Variants in MET observed in about 807,000 individuals in gnomAD.
MET encodes hepatocyte growth factor receptor.
A neutral mutation model predicts 133.1 loss-of-function variants in MET; 48 were observed. That is an observed-to-expected ratio of 0.36 (90% CI 0.29 to 0.46). The LOEUF (loss-of-function observed/expected upper bound fraction) is 0.46. Among genes scored for constraint, MET ranks in the 20% least tolerant of loss-of-function variants. The pLI is 1.00. For synonymous variants in MET, 628 were observed against 616.5 expected (o/e 1.02, Z -0.28); for missense variants, 1,442 against 1,695.9 (o/e 0.85, Z 2.63).
At chr7:116,739,032 T>G (rs1046922089) in intron 3 of MET, among the ~76,000 whole-genome samples, 5 of 152,340 alleles carry the variant, frequency 3.3e-5, no homozygotes, top group African/African-American at 9.6e-5. Context: ...TCTAGGGCTG[T>G]GCTGAGCCTC....
chr7:116,681,353 C>T (rs887177657), intron 1 of MET, among the ~76,000 whole-genome samples: 1 of 145,060 alleles, frequency 6.9e-6, no homozygotes, highest in Non-Finnish European at 1.6e-5. Context: ...ATTTTCATGA[C>T]TGAAATATTC....
intron 8 of MET, 24 bp downstream of exon 8, chr7:116,757,798 G>A (rs1478076619): frequency 6.2e-7 from 1 of 1,609,860 alleles, no homozygotes; most frequent in Non-Finnish European, 8.5e-7. Flanking sequence ...ATTTTTTGTT[G>A]CATCTGTCAA....
chr7:116,721,391 G>A (rs990053641), intron 2 of MET, among the ~76,000 whole-genome samples: 4 of 151,860 alleles, frequency 2.6e-5, no homozygotes, highest in Non-Finnish European at 4.4e-5. Flanking sequence ...TTCTTTATTA[G>A]TCTTGCTAGC....
chr7:116,729,964 C>A (rs1180572828), intron 2 of MET, among the ~76,000 whole-genome samples: 1 of 152,174 alleles, frequency 6.6e-6, no homozygotes, highest in East Asian at 1.9e-4. Flanking sequence ...GGTCCCTGAT[C>A]GCAGCGAGCT....
chr7:116,715,948 A>G (rs552321692), intron 2 of MET, among the ~76,000 whole-genome samples: 1 of 152,170 alleles, frequency 6.6e-6, no homozygotes, highest in Non-Finnish European at 1.5e-5. Context: ...CTTTAATTCA[A>G]TAGAAGAGAG....
chr7:116,741,067 G>GTTTTTTTTTTTTTT, intron 5 of MET, 42 bp downstream of exon 5: 2 of 1,348,780 alleles, frequency 1.5e-6, no homozygotes, highest in Non-Finnish European at 2.0e-6. Flanking sequence ...TTTGTTTGGT[G>GTTTTTTTTTTTTTT]TTTTTTTTTT....
chr7:116,733,507 G>A (rs919298676), intron 3 of MET, among the ~76,000 whole-genome samples: 34 of 151,958 alleles, frequency 2.2e-4, no homozygotes, highest in Non-Finnish European at 4.9e-4. Flanking sequence ...TAAATATGTT[G>A]CTTTATTAAC....
intron 5 of MET, among the ~76,000 whole-genome samples, chr7:116,754,965 AG>A (rs1421300666): frequency 4.2e-5 from 6 of 144,148 alleles, no homozygotes; most frequent in South Asian, 2.2e-4. Flanking sequence ...AAGAAAGAGA[AG>A]GAAGGAAGCA....
chr7:116,792,159 T>C (rs2117094962), intron 19 of MET, among the ~76,000 whole-genome samples: 1 of 152,254 alleles, frequency 6.6e-6, no homozygotes, highest in East Asian at 1.9e-4. Context: ...CAGATTTGCC[T>C]ATCATCCTTC....
rs2116991939 is a variant in MET, at chr7:116,771,543, C to A, written c.2776C>A (p.Gln926Lys). 1 of 1,613,866 alleles carries A rather than the reference C, an allele frequency of 6.2e-7. No homozygotes were observed. Among genetic ancestry groups the A allele is most frequent in the South Asian group, 1.1e-5 (1 of 91,058 alleles). Reference sequence around the variant, plus strand: ...AACCGTCCTTGGAAAAGTAATAGTTCAACCAGATCAGAATTTCACAGGATT... The same window carrying A: ...AACCGTCCTTGGAAAAGTAATAGTTAAACCAGATCAGAATTTCACAGGATT... ...SSTVLGKVIV[Q>K]PDQNFTGLIA... The change falls in exon 13 of 21, where the codon CAA becomes AAA. Residue 926 changes from glutamine (Q) to lysine (K), a missense_variant. By Grantham distance (53) the Gln-to-Lys change is moderately conservative. Transcript: ENST00000397752.
chr7:116,690,568 T>C (rs1160371361), intron 1 of MET, among the ~76,000 whole-genome samples: 1 of 152,228 alleles, frequency 6.6e-6, no homozygotes, highest in African/African-American at 2.4e-5. Flanking sequence ...AGAAGGGATT[T>C]TTGACATGGC....
chr7:116,729,907 T>C (rs1792934479), intron 2 of MET, among the ~76,000 whole-genome samples: 1 of 152,246 alleles, frequency 6.6e-6, no homozygotes, highest in Admixed American at 6.5e-5. Flanking sequence ...ACATCTACTA[T>C]GCATGATAGT....
chr7:116,779,151 A>T (rs1005767028), intron 17 of MET, among the ~76,000 whole-genome samples, 194 bp downstream of exon 17: 2 of 152,216 alleles, frequency 1.3e-5, no homozygotes, highest in African/African-American at 4.8e-5. Flanking sequence ...TTCCTGGAGC[A>T]ATGATTCTTA....
chr7:116,764,167 G>A (rs919974203), intron 11 of MET, among the ~76,000 whole-genome samples: 6 of 151,906 alleles, frequency 3.9e-5, no homozygotes, highest in African/African-American at 1.5e-4. Context: ...AAATTTTTCT[G>A]ACTTTTTCAA....
intron 11 of MET, among the ~76,000 whole-genome samples, chr7:116,767,783 A>G (rs1307976629): frequency 2.0e-5 from 3 of 150,548 alleles, no homozygotes; most frequent in Non-Finnish European, 4.4e-5. Context: ...TAATAGTAAA[A>G]TTTCTAAATA....
Position 116,731,663 on chromosome 7 carries a change from T to G in MET, c.1201-5T>G, listed in dbSNP as rs1411454216. The G allele has an allele frequency of 1.2e-6, 2 of 1,614,072 alleles. No homozygotes were observed. Among genetic ancestry groups the G allele is most frequent in the South Asian group, 2.2e-5 (2 of 91,082 alleles). Reference sequence around the variant, plus strand: ...CATTAACTCTATGACCATATTTTATTCCAGACACTTCTGAGAAATTCATCA... The same window carrying G: ...CATTAACTCTATGACCATATTTTATGCCAGACACTTCTGAGAAATTCATCA... On this transcript the variant is annotated splice_polypyrimidine_tract_variant and splice_region_variant and intron_variant, in intron 2 of 20. Coordinates refer to ENST00000397752, the MANE Select transcript of MET (RefSeq NM_000245.4).
intron 2 of MET, among the ~76,000 whole-genome samples, chr7:116,704,475 G>T (rs1460606924): frequency 3.3e-5 from 5 of 152,104 alleles, no homozygotes; most frequent in Non-Finnish European, 1.5e-5. Flanking sequence ...AGCTATTATT[G>T]TAAGGAATAC....
intron 4 of MET, among the ~76,000 whole-genome samples, 157 bp from the exon 5 acceptor site, chr7:116,740,695 T>C (rs1181221478): frequency 6.6e-6 from 1 of 152,234 alleles, no homozygotes; most frequent in Admixed American, 6.5e-5. Flanking sequence ...ATTTTTAAAA[T>C]TTTAATCACC....
At chr7:116,718,614 G>A (rs1283937259) in intron 2 of MET, among the ~76,000 whole-genome samples, 1 of 148,040 alleles carries the variant, frequency 6.8e-6, no homozygotes, top group African/African-American at 2.5e-5. Context: ...CTAGCATTAG[G>A]TATATCTCCC....
Sources: gnomAD v4.1 joint callset for allele counts (sites outside exome capture counted in the v4.1 genomes callset) on GRCh38, gnomAD v4.1.1 for gene constraint, MANE v1.5 for transcripts, NCBI Gene and HGNC (gene_info 2026-07-23, HGNC 2026-07-21) for gene names.